ABR: variants seen among roughly 807,000 people sequenced by gnomAD.
ABR encodes active breakpoint cluster region-related protein.
In ABR, 35 loss-of-function variants were observed where a neutral mutation model predicts 107.2. The observed-to-expected ratio is 0.33, with a 90% confidence interval of 0.25 to 0.43. The LOEUF is 0.43. Ranked by LOEUF, ABR falls within the 20% of genes least tolerant of loss-of-function variation. The pLI is 1.00. For missense variants in ABR, 815 were observed against 1,115.2 expected (o/e 0.73, Z 3.83); for synonymous variants, 498 against 462.0 (o/e 1.08, Z -1.00).
chr17:1,199,819 T>C (rs780989136), intron 1 of ABR, among the ~76,000 whole-genome samples: 5 of 152,178 alleles, frequency 3.3e-5, no homozygotes, highest in Non-Finnish European at 5.9e-5. Flanking sequence ...AGCCAGAATT[T>C]TAAAAACTTT....
At chr17:1,028,048 G>A (rs1265979015) in intron 16 of ABR, among the ~76,000 whole-genome samples, 1 of 151,994 alleles carries the variant, frequency 6.6e-6, no homozygotes, top group Non-Finnish European at 1.5e-5. Flanking sequence ...GTGAGGGGTG[G>A]GGTTGTCCTG....
At chr17:1,057,611 G>C (rs942197545) in intron 12 of ABR, among the ~76,000 whole-genome samples, 3 of 147,758 alleles carry the variant, frequency 2.0e-5, no homozygotes, top group African/African-American at 7.5e-5. Context: ...CTCCTGACTG[G>C]GATTACAGGC....
In ABR at chr17:1,073,041, G is replaced by A. The variant is rs190724072; in HGVS notation, c.754-287C>T. ...GTAAAAATATAAAAATTAGCTGGGC[G>A]TGGTGGCGGGCGCCTGTAGTCCCAG... is the stretch of plus-strand genomic sequence containing the variant. On this transcript the variant is annotated intron_variant, in intron 7 of 22. Coordinates refer to ENST00000302538, the MANE Select transcript of ABR (RefSeq NM_021962.5). Among the ~76,000 whole-genome samples, 28 of 152,074 alleles carry A rather than the reference G, an allele frequency of 1.8e-4. No individual in the cohort carries two copies. In the East Asian group the frequency reaches 3.5e-3, roughly 19 times the overall value.
chr17:1,098,936 C>T (rs1034188916), intron 3 of ABR, among the ~76,000 whole-genome samples: 2 of 152,188 alleles, frequency 1.3e-5, no homozygotes, highest in South Asian at 4.1e-4. Flanking sequence ...CAGGGGCCCG[C>T]CACCACGCCC....
chr17:1,027,470 G>C lies in ABR; in HGVS notation c.1792-14306C>G, dbSNP rs983050931. ...CAGATTCTCAGAGTCCAGGGTTCCC[G>C]CTCTGCGGACTCAAGCAAGCCTCTT... On this transcript the variant is annotated intron_variant, in intron 16 of 22. Coordinates refer to ENST00000302538, the MANE Select transcript of ABR (RefSeq NM_021962.5). This position sits in a 1 kb window ranked among gnomAD's most constrained non-coding sequence, Gnocchi z 4.7. Among the ~76,000 whole-genome samples, 1 of 152,166 alleles carries C rather than the reference G, an allele frequency of 6.6e-6. No individual in the cohort carries two copies. Among genetic ancestry groups the C allele is most frequent in the Non-Finnish European group, 1.5e-5 (1 of 68,010 alleles).
chr17:1,057,145 C>CTGGTGG, intron 12 of ABR, 43 bp from the exon 13 acceptor site: 1 of 1,375,202 alleles, frequency 7.3e-7, no homozygotes. Flanking sequence ...GGCACTGGTC[C>CTGGTGG]ACCAGGACCG....
At chr17:1,047,905 C>T (rs1449298817) in intron 16 of ABR, among the ~76,000 whole-genome samples, 2 of 152,142 alleles carry the variant, frequency 1.3e-5, no homozygotes, top group African/African-American at 4.8e-5. Flanking sequence ...GCTGAGTTCT[C>T]GAGGGGCTGG....
chr17:1,208,902 A>G (rs1169855039), intron 1 of ABR, among the ~76,000 whole-genome samples: 1 of 151,968 alleles, frequency 6.6e-6, no homozygotes. Flanking sequence ...AAAAAAAAAA[A>G]AAGCCTGCTT....
intron 16 of ABR, among the ~76,000 whole-genome samples, chr17:1,041,457 G>A (rs1007019953): frequency 2.0e-5 from 3 of 152,136 alleles, no homozygotes; most frequent in South Asian, 4.1e-4. Context: ...AAACTTGGCC[G>A]GGTGCGGTGG....
At chr17:1,081,537 G>T (rs1194713467) in intron 5 of ABR, among the ~76,000 whole-genome samples, 1 of 152,160 alleles carries the variant, frequency 6.6e-6, no homozygotes, top group East Asian at 1.9e-4. Context: ...TCCTCATTGT[G>T]GAGAGGGGCC....
At chr17:1,153,675 G>C in intron 1 of ABR, 1 of 107,192 alleles carries the variant, frequency 9.3e-6, no homozygotes, top group Non-Finnish European at 2.1e-5. Context: ...GGGAGGGCTG[G>C]GGGTCCAGGC....
intron 16 of ABR, among the ~76,000 whole-genome samples, chr17:1,017,016 C>T (rs977679220): frequency 2.6e-5 from 4 of 152,032 alleles, no homozygotes; most frequent in African/African-American, 4.8e-5. Context: ...CCCAAGCCTC[C>T]GACGGGGTCT....
At chr17:1,076,405 C>G (rs1242578923) in intron 6 of ABR, among the ~76,000 whole-genome samples, 1 of 152,066 alleles carries the variant, frequency 6.6e-6, no homozygotes, top group Admixed American at 6.5e-5. Flanking sequence ...TGTGGCTCAG[C>G]CCATCTTCAG....
In ABR at chr17:1,147,091, G is replaced by A. The variant is rs188646198; in HGVS notation, c.62-21724C>T. Among the ~76,000 whole-genome samples, 6 of 152,386 alleles carry A rather than the reference G, an allele frequency of 3.9e-5. No individual in the cohort carries two copies. The East Asian group carries it at 1.2e-3, about 29-fold the overall frequency. ...TGGCAGTCCCTGGGCAGGGCCAGGT[G>A]CTCAGTCCTGGCTAACAAACTGTAA... On this transcript the variant is annotated intron_variant, in intron 1 of 22. Coordinates refer to ENST00000302538, the MANE Select transcript of ABR (RefSeq NM_021962.5).
At chr17:1,130,375 C>T (rs371086635) in intron 1 of ABR, among the ~76,000 whole-genome samples, 2 of 151,890 alleles carry the variant, frequency 1.3e-5, no homozygotes, top group African/African-American at 4.8e-5. Context: ...GAGGCATCCC[C>T]GCTCCTCCCC....
chr17:1,207,567 T>C (rs1567892255), intron 1 of ABR, among the ~76,000 whole-genome samples: 3 of 144,658 alleles, frequency 2.1e-5, no homozygotes. Context: ...GAGAATTGCT[T>C]GAACTCGGGA....
rs2032542296 is a variant in ABR, at chr17:1,051,636, G to A, written c.1562-1002C>T. Among the ~76,000 whole-genome samples the A allele has an allele frequency of 1.3e-5, 2 of 152,192 alleles. No homozygotes were observed. Among genetic ancestry groups the A allele is most frequent in the Admixed American group, 6.5e-5 (1 of 15,282 alleles). The stretch of plus-strand genomic sequence containing the variant: ...CGAGGTTGTTCCCAGGGTACCAGAG[G>A]TGGTGTGGGAGGTGCCTTTGGGACA... On this transcript the variant is annotated intron_variant, in intron 14 of 22. Coordinates refer to ENST00000302538, the MANE Select transcript of ABR (RefSeq NM_021962.5). This position sits in a 1 kb window ranked among gnomAD's most constrained non-coding sequence, Gnocchi z 4.3.
chr17:1,226,928 C>CT (rs2043233036), intron 1 of ABR, among the ~76,000 whole-genome samples: 2 of 58 alleles, frequency 0.034, no homozygotes, highest in South Asian at 0.5. Context: ...CACTTCCTCA[C>CT]GAGGAGGCTT....
At chr17:1,067,397 A>G (rs1012042449) in intron 9 of ABR, among the ~76,000 whole-genome samples, 155 bp from the exon 10 acceptor site, 15 of 152,178 alleles carry the variant, frequency 9.9e-5, no homozygotes, top group African/African-American at 3.6e-4. Flanking sequence ...TGATTGGGAA[A>G]CACACACTGG....
Sources: allele counts gnomAD v4.1 joint callset (sites outside exome capture counted in the v4.1 genomes callset), GRCh38; gene constraint gnomAD v4.1.1; non-coding constraint Gnocchi (gnomAD v3.1); transcripts MANE v1.5; gene names NCBI Gene and HGNC (gene_info 2026-07-23, HGNC 2026-07-21).